Variants in AVEN observed in about 807,000 individuals in gnomAD.
AVEN encodes the protein cell death regulator Aven.
Under a neutral mutation model 38.1 loss-of-function variants are expected in AVEN, and 41 were observed. That is an observed-to-expected ratio of 1.08 (90% CI 0.84 to 1.40). The LOEUF (loss-of-function observed/expected upper bound fraction) is 1.40. AVEN is among the 40% of genes most tolerant of loss of function. The pLI, the probability that AVEN is intolerant of heterozygous loss-of-function variation, is 0.00. For synonymous variants in AVEN, 206 were observed against 171.8 expected, an observed-to-expected ratio of 1.20 and a Z score of -1.56; for missense variants, 605 against 438.8, an observed-to-expected ratio of 1.38 and a Z score of -3.38.
intron 2 of AVEN, among the ~76,000 whole-genome samples, chr15:33,932,428 G>A (rs778495113): frequency 7.9e-5 from 12 of 152,174 alleles, no homozygotes; most frequent in Admixed American, 1.3e-4. Context: ...CTAGGTACAC[G>A]TTTTTGCAAG....
At chr15:33,894,634 A>G in intron 2 of AVEN, among the ~76,000 whole-genome samples, 1 of 140,750 alleles carries the variant, frequency 7.1e-6, no homozygotes, top group African/African-American at 2.7e-5. Context: ...ACACGGTAAA[A>G]CCCCATCTCT....
In AVEN at chr15:33,920,947, T is replaced by C. The variant is rs567033628; in HGVS notation, c.446-44952A>G. ...CACACCACCACACCCAGCTAATTTGTGTATTTTTGGTAGAGACGGGTTTCC... is the reference window on the plus strand; with the variant it reads ...CACACCACCACACCCAGCTAATTTGCGTATTTTTGGTAGAGACGGGTTTCC... On this transcript the variant is annotated intron_variant, in intron 2 of 5. Coordinates refer to ENST00000306730, the MANE Select transcript of AVEN (RefSeq NM_020371.3). 2.6e-5 allele frequency among the ~76,000 whole-genome samples: 4 copies of C among 152,206 alleles called. No homozygotes were observed. The South Asian group carries it at 8.3e-4, about 32-fold the overall frequency.
chr15:33,938,916 A>G (rs1894205761), intron 2 of AVEN, among the ~76,000 whole-genome samples: 1 of 151,650 alleles, frequency 6.6e-6, no homozygotes, highest in Non-Finnish European at 1.5e-5. Flanking sequence ...ATCTCGGCTC[A>G]CTGCAACCTC....
downstream of AVEN, chr15:33,854,615 G>A: frequency 9.0e-7 from 1 of 1,107,210 alleles, no homozygotes; most frequent in Non-Finnish European, 1.3e-6. Flanking sequence ...GGTAGATGGG[G>A]CTCACTTAGC....
At chr15:34,031,082 TCA>T (rs1226526221) in intron 1 of AVEN, among the ~76,000 whole-genome samples, 1 of 150,178 alleles carries the variant, frequency 6.7e-6, no homozygotes, top group East Asian at 2.0e-4. Flanking sequence ...AATAGAGGAA[TCA>T]CAACACTGAT....
intron 2 of AVEN, among the ~76,000 whole-genome samples, chr15:33,949,586 G>A (rs1346496831): frequency 6.6e-6 from 1 of 152,128 alleles, no homozygotes; most frequent in Non-Finnish European, 1.5e-5. Context: ...GTGGGAAGGG[G>A]AAGTGACTGC....
chr15:33,864,050 G>A (rs1889513453), downstream of AVEN: 2 of 944,020 alleles, frequency 2.1e-6, no homozygotes, highest in Non-Finnish European at 3.3e-6. Context: ...GGACCAACTA[G>A]CCTTTCTGAG....
chr15:34,007,215 T>C (rs1171778099), intron 1 of AVEN: 1 of 250,284 alleles, frequency 4.0e-6, no homozygotes, highest in Non-Finnish European at 6.3e-6. Context: ...CTAGAAAGAG[T>C]AGCTTAATGT....
chr15:33,863,110 G>C (rs965893480), downstream of AVEN, among the ~76,000 whole-genome samples: 1 of 152,104 alleles, frequency 6.6e-6, no homozygotes. Flanking sequence ...CCTTCCCATG[G>C]CACTGTTACA....
chr15:33,940,893 C>G (rs553999947), intron 2 of AVEN, among the ~76,000 whole-genome samples: 6 of 152,162 alleles, frequency 3.9e-5, no homozygotes, highest in African/African-American at 1.4e-4. Flanking sequence ...CTCATCTGAA[C>G]CATACATACC....
intron 2 of AVEN, among the ~76,000 whole-genome samples, chr15:33,985,719 T>C (rs1405635303): frequency 1.3e-5 from 2 of 152,140 alleles, no homozygotes; most frequent in African/African-American, 2.4e-5. Flanking sequence ...GGTAAGTAAG[T>C]ACCTATAAGC....
At position 33,897,443 on chromosome 15, in the gene AVEN, T is replaced by C. The variant is rs1160234445; in HGVS notation, c.446-21448A>G. On this transcript the variant is annotated intron_variant, in intron 2 of 5. Coordinates refer to ENST00000306730, the MANE Select transcript of AVEN (RefSeq NM_020371.3). ...CTCCACCATGCCTGGCTAATTTTTG[T>C]ATTTTTAGTAGAGACAGGGTTTCAC... Among the ~76,000 whole-genome samples, 5 of 152,250 alleles carry C rather than the reference T, an allele frequency of 3.3e-5. No homozygotes were observed. The South Asian group carries it at 1.0e-3, about 32-fold the overall frequency.
downstream of AVEN, chr15:33,857,747 C>T (rs746601261): frequency 3.1e-6 from 5 of 1,613,158 alleles, no homozygotes; most frequent in South Asian, 2.2e-5. Context: ...GAAGACCCCA[C>T]TCCTTTTCCT....
chr15:34,050,320 C>G (rs1216036878), intron 5 of AVEN, among the ~76,000 whole-genome samples: 1 of 152,176 alleles, frequency 6.6e-6, no homozygotes, highest in Non-Finnish European at 1.5e-5. Flanking sequence ...ATTGGGCCTG[C>G]CTTGCAAGAG....
intron 2 of AVEN, among the ~76,000 whole-genome samples, chr15:33,887,494 A>T (rs116350777): frequency 0.029 from 4,469 of 152,266 alleles, 221 homozygotes; most frequent in African/African-American, 0.1. Context: ...TCTAGGGGAA[A>T]ATGGGAATGA....
At chr15:33,893,619 T>C (rs1042443792) in intron 2 of AVEN, among the ~76,000 whole-genome samples, 2 of 152,218 alleles carry the variant, frequency 1.3e-5, no homozygotes, top group Non-Finnish European at 2.9e-5. Context: ...TAATGTGAAT[T>C]CTTTTGAAAT....
At chr15:34,006,774 G>A (rs1897367237) in intron 1 of AVEN, among the ~76,000 whole-genome samples, 1 of 152,156 alleles carries the variant, frequency 6.6e-6, no homozygotes, top group South Asian at 2.1e-4. Flanking sequence ...TCATTCACAA[G>A]AGAGTAGTAA....
intron 1 of AVEN, among the ~76,000 whole-genome samples, chr15:34,004,088 G>T (rs1237083078): frequency 6.6e-6 from 1 of 152,154 alleles, no homozygotes; most frequent in Non-Finnish European, 1.5e-5. Context: ...TAGCGTCTGT[G>T]TGAGCAACTA....
At chr15:33,875,869 T>C in intron 3 of AVEN, 56 bp downstream of exon 3, 1 of 1,475,396 alleles carries the variant, frequency 6.8e-7, no homozygotes, top group South Asian at 1.1e-5. Context: ...GTAAAAGGTG[T>C]TAGCCTTCAG....
Sources: gnomAD v4.1 joint callset for allele counts (sites outside exome capture counted in the v4.1 genomes callset) on GRCh38, gnomAD v4.1.1 for gene constraint, MANE v1.5 for transcripts, NCBI Gene and HGNC (gene_info 2026-07-23, HGNC 2026-07-21) for gene names.